The following RBM20 variants were observed in gnomAD, a reference collection of about 807,000 sequenced individuals.
RBM20 encodes the protein RNA binding motif protein 20.
Under a neutral mutation model 110.1 loss-of-function variants are expected in RBM20, and 51 were observed. The observed-to-expected ratio is 0.46, with a 90% CI of 0.37 to 0.59. The LOEUF is 0.59. Among genes scored for constraint, RBM20 ranks in the 20% least tolerant of loss-of-function variants. The pLI is 0.00. For missense variants in RBM20, 1,512 were observed against 1,574.9 expected, an observed-to-expected ratio of 0.96 and a Z score of 0.68; for synonymous variants, 589 against 618.2, an observed-to-expected ratio of 0.95 and a Z score of 0.70.
At position 110,739,978 on chromosome 10, in the gene RBM20, T is replaced by G. The variant is rs1212091692; in HGVS notation, c.192-40823T>G. On this transcript the variant is annotated intron_variant, in intron 1 of 13. Coordinates refer to ENST00000369519, the MANE Select transcript of RBM20 (RefSeq NM_001134363.3). The surrounding 1 kb of genome is among the most constrained non-coding windows in gnomAD (Gnocchi z 4.1). ...GTCTCCCTCTCCCTCCTTCTCCAAGTGCCCAGACCTGCTCCAGCTGCCCCT... is the reference window on the plus strand; with the variant it reads ...GTCTCCCTCTCCCTCCTTCTCCAAGGGCCCAGACCTGCTCCAGCTGCCCCT... Among the ~76,000 whole-genome samples the G allele has an allele frequency of 6.6e-6, 1 of 152,228 alleles. No individual in the cohort carries two copies. The highest frequency in any genetic ancestry group is 1.9e-4 in the East Asian group (1 of 5,194).
chr10:110,644,245 C>T (rs1251644998), upstream of RBM20, among the ~76,000 whole-genome samples: 2 of 152,132 alleles, frequency 1.3e-5, no homozygotes, highest in Non-Finnish European at 2.9e-5. The surrounding 1 kb of genome is among the most constrained non-coding windows in gnomAD (Gnocchi z 4.3). Context: ...CTGGCCCCCG[C>T]CCCCGCGTGG....
chr10:110,760,867 G>T (rs1485983592), intron 1 of RBM20, among the ~76,000 whole-genome samples: 1 of 150,990 alleles, frequency 6.6e-6, no homozygotes, highest in Non-Finnish European at 1.5e-5. Flanking sequence ...GCCAAGGCAG[G>T]CAGATCATGA....
At chr10:110,834,305 C>T (rs1430033100) in intron 13 of RBM20, among the ~76,000 whole-genome samples, 11 of 151,394 alleles carry the variant, frequency 7.3e-5, no homozygotes, top group South Asian at 2.1e-4. Flanking sequence ...TGCCATCCAC[C>T]GTTTGCTCTT....
At position 110,812,732 on chromosome 10, in the gene RBM20, C is replaced by G; in HGVS notation, c.2335C>G (p.Pro779Ala). ...GTATCTGAAGCAGCAGCAGGATGCCCCCGGGAGGTCCAGGAGGAAAGACGA... is the reference window on the plus strand; with the variant it reads ...GTATCTGAAGCAGCAGCAGGATGCCGCCGGGAGGTCCAGGAGGAAAGACGA... ...DKYLKQQQDA[P>A]GRSRRKDEAR... Residue 779 changes from proline to alanine, a missense_variant, in exon 9 of 14, where the codon CCC becomes GCC. Around this residue, in one of 3 missense-constraint regions of RBM20, gnomAD observed 1,149 missense variants for 1,169.4 expected, o/e 0.98. Coordinates refer to ENST00000369519, the MANE Select transcript of RBM20 (RefSeq NM_001134363.3). 1 of 1,551,694 alleles carries G rather than the reference C, an allele frequency of 6.4e-7. No individual in the cohort carries two copies. Among genetic ancestry groups the G allele is most frequent in the Non-Finnish European group, 8.7e-7 (1 of 1,146,980 alleles).
rs72199900 is a variant in RBM20, at chr10:110,823,884, AT to A, written c.3451+277del. 0.44 allele frequency among the ~76,000 whole-genome samples: 65,560 copies of A among 148,192 alleles called. 15,156 individuals carry two copies. Among genetic ancestry groups the A allele is most frequent in the East Asian group, 0.62 (3,150 of 5,066 alleles). On this transcript the variant is annotated intron_variant, in intron 12 of 13. Coordinates refer to ENST00000369519, the MANE Select transcript of RBM20 (RefSeq NM_001134363.3). ...AGGTACACACCACCAGGCCCGGCTA[AT>A]TTTTTTAATTTTTTTTTTTTTTGCA...
Position 110,821,891 on chromosome 10 carries a change from A to G in RBM20, c.3272A>G (p.Glu1091Gly). ...GAGGAGAAAGCCAGCCCCCCCATCG[A>G]AACTGACCTCCAAAACCAAGCTTGC... Reference protein sequence around the residue: ...PLEEKASPPIETDLQNQACQE... With the variant: ...PLEEKASPPIGTDLQNQACQE... Residue 1091 changes from glutamate (E) to glycine (G), a missense_variant, in exon 11 of 14, where the codon GAA becomes GGA. Around this residue, in one of 3 missense-constraint regions of RBM20, gnomAD observed 358 missense variants for 384.2 expected, o/e 0.93. Transcript: ENST00000369519. 6.4e-7 allele frequency: 1 copy of G among 1,551,702 alleles called. No homozygotes were observed. Among genetic ancestry groups the G allele is most frequent in the Non-Finnish European group, 8.7e-7 (1 of 1,147,010 alleles).
chr10:110,813,978 T>C (rs185927770), intron 9 of RBM20, among the ~76,000 whole-genome samples: 1 of 152,308 alleles, frequency 6.6e-6, no homozygotes, highest in Admixed American at 6.5e-5. Context: ...TATTCTAACT[T>C]GGCTTACACT....
chr10:110,712,460 T>A (rs1862947493), intron 1 of RBM20, among the ~76,000 whole-genome samples: 1 of 152,204 alleles, frequency 6.6e-6, no homozygotes, highest in South Asian at 2.1e-4. Flanking sequence ...CTTTATTGAT[T>A]GAGGCCAATA....
At chr10:110,753,828 A>C (rs757128707) in intron 1 of RBM20, among the ~76,000 whole-genome samples, 1 of 152,176 alleles carries the variant, frequency 6.6e-6, no homozygotes, top group Admixed American at 6.5e-5. Flanking sequence ...CATTCCTTGC[A>C]TTGCTTGATT....
At position 110,797,668 on chromosome 10, in the gene RBM20, C is replaced by G. The variant is rs1286425076; in HGVS notation, c.1668+20C>G. On this transcript the variant is annotated intron_variant, in intron 6 of 13. Transcript: ENST00000369519. ...AATCAGGTAGGTCTGGGTACTTTCACTCCAGTGTATATGCCACAGACCACA... is the reference window on the plus strand; with the variant it reads ...AATCAGGTAGGTCTGGGTACTTTCAGTCCAGTGTATATGCCACAGACCACA... 1 of 1,550,496 alleles carries G rather than the reference C, an allele frequency of 6.4e-7. No individual in the cohort carries two copies. The highest frequency in any genetic ancestry group is 8.7e-7 in the Non-Finnish European group (1 of 1,146,070).
chr10:110,825,098 T>A (rs1015010100), intron 12 of RBM20, among the ~76,000 whole-genome samples: 15 of 151,660 alleles, frequency 9.9e-5, no homozygotes, highest in African/African-American at 3.1e-4. Flanking sequence ...GACAAAAACA[T>A]AAGAAAGAAG....
chr10:110,677,774 G>A (rs1002759778), intron 1 of RBM20, among the ~76,000 whole-genome samples: 9 of 152,164 alleles, frequency 5.9e-5, no homozygotes, highest in African/African-American at 2.2e-4. Context: ...TGTTCGATGG[G>A]CATGTATCTC....
At chr10:110,806,222 C>T (rs927603000) in intron 7 of RBM20, among the ~76,000 whole-genome samples, 11 of 150,814 alleles carry the variant, frequency 7.3e-5, no homozygotes, top group Non-Finnish European at 1.0e-4. Flanking sequence ...GAGCCAAGGT[C>T]GCACCACTGC....
chr10:110,699,427 A>G (rs1396340436), intron 1 of RBM20, among the ~76,000 whole-genome samples: 1 of 151,698 alleles, frequency 6.6e-6, no homozygotes, highest in East Asian at 1.9e-4. Context: ...GCTGACCACC[A>G]CGCCTGGCTA....
chr10:110,649,577 C>T (rs542110846), intron 1 of RBM20, among the ~76,000 whole-genome samples: 27 of 152,302 alleles, frequency 1.8e-4, no homozygotes, highest in African/African-American at 6.5e-4. Flanking sequence ...TGGTCTCCTA[C>T]ACCACAAAAT....
chr10:110,737,526 C>G (rs1460605587), intron 1 of RBM20, among the ~76,000 whole-genome samples: 1 of 152,150 alleles, frequency 6.6e-6, no homozygotes, highest in African/African-American at 2.4e-5. Flanking sequence ...AGAACACTAC[C>G]AGCACCCCAG....
chr10:110,754,180 C>T (rs1266199501), intron 1 of RBM20, among the ~76,000 whole-genome samples: 2 of 152,158 alleles, frequency 1.3e-5, no homozygotes, highest in Admixed American at 1.3e-4. Context: ...ATTCCACTGT[C>T]TTTTGGCTTC....
At chr10:110,770,385 A>G (rs1844171305) in intron 1 of RBM20, among the ~76,000 whole-genome samples, 1 of 152,228 alleles carries the variant, frequency 6.6e-6, no homozygotes, top group East Asian at 1.9e-4. Flanking sequence ...CCATCCTAAA[A>G]TCATAAGGCA....
chr10:110,814,571 C>G (rs144446383), intron 9 of RBM20, among the ~76,000 whole-genome samples: 1 of 152,030 alleles, frequency 6.6e-6, no homozygotes. Context: ...TCTCAGCTCA[C>G]GGCAACCTCT....
Sources: allele counts gnomAD v4.1 joint callset (sites outside exome capture counted in the v4.1 genomes callset), GRCh38; gene constraint gnomAD v4.1.1; regional missense constraint gnomAD v4.1.1; non-coding constraint Gnocchi (gnomAD v3.1); transcripts MANE v1.5; gene names NCBI Gene and HGNC (gene_info 2026-07-23, HGNC 2026-07-21).